SCIN: variants seen among roughly 807,000 people sequenced by gnomAD.
The protein encoded by SCIN is scinderin.
In SCIN, 91 loss-of-function variants were observed where a neutral mutation model predicts 91.8. The ratio of observed to expected loss-of-function variants is 0.99; its 90% confidence interval spans 0.84 to 1.18. SCIN has a LOEUF of 1.18. Ranked by LOEUF, SCIN falls within the 50% of genes most tolerant of loss-of-function variation. SCIN has a pLI of 0.00. For missense variants in SCIN, 1,087 were observed against 863.9 expected (o/e 1.26, Z -3.24); for synonymous variants, 367 against 312.6 (o/e 1.17, Z -1.84).
At chr7:12,588,753 A>G (rs932724404) in intron 3 of SCIN, among the ~76,000 whole-genome samples, 2 of 139,764 alleles carry the variant, frequency 1.4e-5, no homozygotes, top group South Asian at 2.5e-4. Context: ...GTGCCTAGAT[A>G]AGGGTCCAGG....
At chr7:12,633,901 CG>C (rs1783695452) in intron 9 of SCIN, among the ~76,000 whole-genome samples, 1 of 151,526 alleles carries the variant, frequency 6.6e-6, no homozygotes, top group Admixed American at 6.6e-5. Flanking sequence ...TAAAACACTA[CG>C]TTTTTAGTAG....
In SCIN at chr7:12,652,771, T is replaced by C; in HGVS notation, c.*56T>C. ...ACAAGGCAGTTATCTCATTGCTGTT[T>C]TGGGAGAGGAACGGGAAAAGCTTTT... On this transcript the variant is annotated 3_prime_UTR_variant, in exon 16 of 16. Coordinates refer to ENST00000297029, the MANE Select transcript of SCIN (RefSeq NM_001112706.3). The C allele has an allele frequency of 6.4e-7, 1 of 1,565,264 alleles. No individual in the cohort carries two copies. Among genetic ancestry groups the C allele is most frequent in the Non-Finnish European group, 8.6e-7 (1 of 1,163,936 alleles).
In SCIN at chr7:12,652,777, G is replaced by A. The variant is rs904619050; in HGVS notation, c.*62G>A. 71 of 1,561,244 alleles carry A rather than the reference G, an allele frequency of 4.5e-5. No individual in the cohort carries two copies. The highest frequency in any genetic ancestry group is 1.7e-4 in the Middle Eastern group (1 of 5,932). The stretch of plus-strand genomic sequence containing the variant: ...CAGTTATCTCATTGCTGTTTTGGGA[G>A]AGGAACGGGAAAAGCTTTTTGCTTA... On this transcript the variant is annotated 3_prime_UTR_variant, in exon 16 of 16. Transcript: ENST00000297029.
rs1783838129 is a variant in SCIN, at chr7:12,640,530, A to T, written c.1581+13A>T. The stretch of plus-strand genomic sequence containing the variant: ...CAGAATTGTGGAGGTAATGTCATGC[A>T]TTCCATAAAACATGCCCTAGTTATG... On this transcript the variant is annotated intron_variant, in intron 11 of 15. Coordinates refer to ENST00000297029, the MANE Select transcript of SCIN (RefSeq NM_001112706.3). 6.3e-7 allele frequency: 1 copy of T among 1,597,276 alleles called. No homozygotes were observed. Among genetic ancestry groups the T allele is most frequent in the African/African-American group, 1.3e-5 (1 of 74,140 alleles).
chr7:12,594,864 T>C (rs1391138554), intron 3 of SCIN, among the ~76,000 whole-genome samples: 1 of 152,054 alleles, frequency 6.6e-6, no homozygotes, highest in Non-Finnish European at 1.5e-5. Context: ...CTGGGTCTTT[T>C]GGGAGTGAAG....
At chr7:12,572,425 A>T (rs1782289609) in intron 1 of SCIN, among the ~76,000 whole-genome samples, 1 of 152,252 alleles carries the variant, frequency 6.6e-6, no homozygotes, top group Non-Finnish European at 1.5e-5. Context: ...TAGAATAATG[A>T]TGTCCTTACA....
intron 3 of SCIN, among the ~76,000 whole-genome samples, chr7:12,596,616 T>C (rs1782848122): frequency 6.6e-6 from 1 of 152,216 alleles, no homozygotes; most frequent in Middle Eastern, 3.4e-3. Context: ...ACTCTTGATG[T>C]TGATTGAGCA....
chr7:12,578,055 C>T lies in SCIN; in HGVS notation c.200-9C>T, dbSNP rs1232050312. ...TTGATAATTGAGGTGCTGTTGTTCA[C>T]TGTTTTAGGAAAGGAGTGTTCCCAG... On this transcript the variant is annotated splice_polypyrimidine_tract_variant and intron_variant, in intron 1 of 15. Coordinates refer to ENST00000297029, the MANE Select transcript of SCIN (RefSeq NM_001112706.3). The T allele has an allele frequency of 6.5e-7, 1 of 1,530,452 alleles. No individual in the cohort carries two copies. The highest frequency in any genetic ancestry group is 8.8e-7 in the Non-Finnish European group (1 of 1,138,424). 94.8% of individuals were successfully genotyped at this position (1,530,452 alleles called of 1,614,324 possible).
At chr7:12,591,799 G>C (rs1371230882) in intron 3 of SCIN, among the ~76,000 whole-genome samples, 1 of 152,122 alleles carries the variant, frequency 6.6e-6, no homozygotes, top group Non-Finnish European at 1.5e-5. Flanking sequence ...ATGCTGCCCT[G>C]GCTGGAGTCA....
intron 10 of SCIN, 61 bp downstream of exon 10, chr7:12,636,196 G>C: frequency 1.7e-6 from 2 of 1,174,772 alleles, no homozygotes; most frequent in Middle Eastern, 3.8e-4. Context: ...TCAATGGATA[G>C]CTATAGCTCC....
At chr7:12,598,918 A>G (rs555442448) in intron 3 of SCIN, among the ~76,000 whole-genome samples, 20 of 152,144 alleles carry the variant, frequency 1.3e-4, no homozygotes, top group African/African-American at 4.3e-4. Flanking sequence ...AAAAAAAAAG[A>G]GAGAGAGAAA....
At chr7:12,601,280 C>A (rs1449396254) in intron 3 of SCIN, among the ~76,000 whole-genome samples, 1 of 152,046 alleles carries the variant, frequency 6.6e-6, no homozygotes, top group Admixed American at 6.6e-5. Flanking sequence ...GAGAGGCTGC[C>A]CCATTTTAGT....
At position 12,645,327 on chromosome 7, in the gene SCIN, C is replaced by CA. The variant is rs527586848; in HGVS notation, c.1881+630dup. Among the ~76,000 whole-genome samples, 447 of 151,524 alleles carry CA rather than the reference C, an allele frequency of 3.0e-3. 3 individuals carry two copies. Among genetic ancestry groups the CA allele is most frequent in the Admixed American group, 4.6e-3 (70 of 15,194 alleles). Reference sequence around the variant, plus strand: ...TGGGCAACAGAGTGAGACTCCATCTCAAAAAAAACACAAAAAACAAAAAAC... The same window carrying CA: ...TGGGCAACAGAGTGAGACTCCATCTCAAAAAAAAACACAAAAAACAAAAAAC... On this transcript the variant is annotated intron_variant, in intron 13 of 15. Coordinates refer to ENST00000297029, the MANE Select transcript of SCIN (RefSeq NM_001112706.3).
intron 3 of SCIN, among the ~76,000 whole-genome samples, chr7:12,597,030 G>A (rs1454893744): frequency 6.6e-6 from 1 of 152,030 alleles, no homozygotes; most frequent in Non-Finnish European, 1.5e-5. Flanking sequence ...TTCATCTTGT[G>A]TCCTTCATTC....
intron 3 of SCIN, among the ~76,000 whole-genome samples, chr7:12,603,481 A>C (rs1394751673): frequency 3.3e-5 from 5 of 151,822 alleles, no homozygotes; most frequent in African/African-American, 1.2e-4. Context: ...CCCTTAAAAA[A>C]CCTGTGTCAG....
chr7:12,598,197 A>G (rs1250828652), intron 3 of SCIN, among the ~76,000 whole-genome samples: 2 of 152,234 alleles, frequency 1.3e-5, no homozygotes, highest in Non-Finnish European at 2.9e-5. Flanking sequence ...AGTAATAGGT[A>G]TTTACCTATC....
At chr7:12,571,067 G>A in intron 1 of SCIN, 82 bp downstream of exon 1, 1 of 1,388,592 alleles carries the variant, frequency 7.2e-7, no homozygotes, top group Non-Finnish European at 9.6e-7. Flanking sequence ...TGCAGGCGTG[G>A]GAGTAAAGGG....
chr7:12,635,285 C>T (rs770447287), intron 9 of SCIN, among the ~76,000 whole-genome samples: 2 of 151,668 alleles, frequency 1.3e-5, no homozygotes, highest in African/African-American at 4.8e-5. Context: ...GGGTTACAGA[C>T]GTTTGGTTCA....
At chr7:12,632,013 G>A (rs1783653199) in intron 9 of SCIN, among the ~76,000 whole-genome samples, 1 of 151,934 alleles carries the variant, frequency 6.6e-6, no homozygotes, top group African/African-American at 2.4e-5. Context: ...TGCTGAAGAG[G>A]ACAAACTTTA....
Sources: allele counts gnomAD v4.1 joint callset (sites outside exome capture counted in the v4.1 genomes callset), GRCh38; gene constraint gnomAD v4.1.1; transcripts MANE v1.5; gene names NCBI Gene and HGNC (gene_info 2026-07-23, HGNC 2026-07-21).